The following ALG6 variants were observed in gnomAD, a reference collection of about 807,000 sequenced individuals.
The protein encoded by ALG6 is ALG6 alpha-1,3-glucosyltransferase, also known as dolichyl pyrophosphate Man9GlcNAc2 alpha-1,3-glucosyltransferase.
ALG6 carries 46 observed loss-of-function variants against 66.6 expected under a neutral mutation model. That is an observed-to-expected ratio of 0.69 (90% CI 0.55 to 0.88). The LOEUF (loss-of-function observed/expected upper bound fraction) is 0.88. Ranked by LOEUF, ALG6 falls within the 40% of genes least tolerant of loss-of-function variation. ALG6 has a pLI of 0.00. For synonymous variants in ALG6, 185 were observed against 203.7 expected, an observed-to-expected ratio of 0.91 and a Z score of 0.78; for missense variants, 505 against 586.8, an observed-to-expected ratio of 0.86 and a Z score of 1.44.
At chr1:63,387,213 A>G (rs1372161934) in intron 2 of ALG6, among the ~76,000 whole-genome samples, 2 of 151,980 alleles carry the variant, frequency 1.3e-5, no homozygotes, top group Non-Finnish European at 2.9e-5. Context: ...CGTATGGTCT[A>G]TCTGTGTGCC....
intron 14 of ALG6, among the ~76,000 whole-genome samples, chr1:63,430,451 A>G (rs1398227948): frequency 1.3e-5 from 2 of 152,218 alleles, no homozygotes; most frequent in African/African-American, 4.8e-5. Flanking sequence ...TGGTAATTCT[A>G]TGTTTAACAT....
chr1:63,403,747 G>T (rs938967063), intron 4 of ALG6, among the ~76,000 whole-genome samples: 1 of 152,134 alleles, frequency 6.6e-6, no homozygotes, highest in African/African-American at 2.4e-5. Context: ...GCATGTCACT[G>T]TACTGAATAC....
At chr1:63,423,820 T>G (rs901103700) in intron 12 of ALG6, among the ~76,000 whole-genome samples, 1 of 152,232 alleles carries the variant, frequency 6.6e-6, no homozygotes, top group Non-Finnish European at 1.5e-5. Flanking sequence ...AGTTTTTGTT[T>G]GAGTCTATAC....
At position 63,437,181 on chromosome 1, in the gene ALG6, T is replaced by A; in HGVS notation, c.*161T>A. ...AAAAGTCATTGTTGTCTACACAAAA[T>A]AAATGTATATGGAGACCAAAGACCA... On this transcript the variant is annotated 3_prime_UTR_variant, in exon 15 of 15. Coordinates refer to ENST00000263440, the MANE Select transcript of ALG6 (RefSeq NM_013339.4). The A allele has an allele frequency of 1.5e-6, 1 of 664,790 alleles. No homozygotes were observed. Among genetic ancestry groups the A allele is most frequent in the Non-Finnish European group, 2.5e-6 (1 of 396,606 alleles). The allele number at this position is 664,790 out of a possible 1,614,324, so 41.2% of individuals were successfully genotyped here.
chr1:63,385,170 A>G (rs1375277603), intron 2 of ALG6, among the ~76,000 whole-genome samples: 3 of 118,110 alleles, frequency 2.5e-5, no homozygotes, highest in Non-Finnish European at 5.5e-5. Context: ...TTTTATTAAG[A>G]TCTTTTACTT....
intron 3 of ALG6, among the ~76,000 whole-genome samples, chr1:63,398,647 T>C (rs1260392324): frequency 6.6e-6 from 1 of 151,986 alleles, no homozygotes; most frequent in Non-Finnish European, 1.5e-5. Context: ...TAATTTTTTT[T>C]TGTATTTTTA....
intron 11 of ALG6, among the ~76,000 whole-genome samples, chr1:63,416,322 G>A (rs1390710638): frequency 6.6e-6 from 1 of 151,746 alleles, no homozygotes; most frequent in African/African-American, 2.4e-5. Flanking sequence ...ATTATCTCGG[G>A]GGGAGATTTT....
chr1:63,372,579 GAC>G (rs1302873830), intron 2 of ALG6, among the ~76,000 whole-genome samples: 1 of 151,330 alleles, frequency 6.6e-6, no homozygotes, highest in Non-Finnish European at 1.5e-5. Context: ...GATATACACA[GAC>G]ACACATATAT....
intron 8 of ALG6, 83 bp downstream of exon 8, chr1:63,411,414 T>G: frequency 7.7e-7 from 1 of 1,292,250 alleles, no homozygotes; most frequent in Non-Finnish European, 1.1e-6. Context: ...AGATGATCTT[T>G]CACTTTGCCT....
At chr1:63,434,094 A>T (rs1182221692) in intron 14 of ALG6, among the ~76,000 whole-genome samples, 3 of 152,220 alleles carry the variant, frequency 2.0e-5, no homozygotes, top group African/African-American at 7.2e-5. Context: ...GAGAGGTAAC[A>T]GTGTAGTTTC....
intron 4 of ALG6, among the ~76,000 whole-genome samples, chr1:63,404,237 AGTTTTGTTG>A: frequency 6.6e-6 from 1 of 152,298 alleles, no homozygotes; most frequent in Admixed American, 6.5e-5. Context: ...TACCTTACAT[AGTTTTGTTG>A]GAAGGTAAGC....
Position 63,387,113 on chromosome 1 carries a change from T to C in ALG6, c.83-9400T>C, listed in dbSNP as rs557352093. ...ACTGTTTCCAAAATTCCTCTTGTTATTGATTTCTAGTTTTATTCCATTGTG... is the reference window on the plus strand; with the variant it reads ...ACTGTTTCCAAAATTCCTCTTGTTACTGATTTCTAGTTTTATTCCATTGTG... On this transcript the variant is annotated intron_variant, in intron 2 of 14. Transcript: ENST00000263440. 7.2e-4 allele frequency among the ~76,000 whole-genome samples: 109 copies of C among 152,374 alleles called. 1 individual carries two copies. The South Asian group carries it at 0.02, about 29-fold the overall frequency.
chr1:63,393,008 C>T (rs1022104315), intron 2 of ALG6, among the ~76,000 whole-genome samples: 5 of 152,210 alleles, frequency 3.3e-5, no homozygotes, highest in African/African-American at 1.2e-4. Context: ...ACATTGACCA[C>T]AAGTCTAGAG....
At chr1:63,380,251 G>A (rs1648259459) in intron 2 of ALG6, among the ~76,000 whole-genome samples, 1 of 152,144 alleles carries the variant, frequency 6.6e-6, no homozygotes, top group South Asian at 2.1e-4. Flanking sequence ...GGATCTATAG[G>A]AGACCATGTG....
At chr1:63,402,900 T>C (rs570359757) in intron 4 of ALG6, among the ~76,000 whole-genome samples, 17 of 151,002 alleles carry the variant, frequency 1.1e-4, no homozygotes, top group Admixed American at 8.6e-4. Context: ...ATTTAGACCA[T>C]CCTGGCTAAC....
intron 1 of ALG6, among the ~76,000 whole-genome samples, chr1:63,369,386 T>C (rs1647833738): frequency 6.6e-6 from 1 of 152,208 alleles, no homozygotes; most frequent in Non-Finnish European, 1.5e-5. Context: ...CCCAGCACTT[T>C]GGGAGACCAA....
chr1:63,411,061 A>G (rs1570069502), intron 7 of ALG6, 85 bp from the exon 8 acceptor site: 3 of 1,365,096 alleles, frequency 2.2e-6, no homozygotes, highest in East Asian at 4.6e-5. Flanking sequence ...TGCATTTCCT[A>G]GAGCATATCT....
chr1:63,411,190 G>T lies in ALG6; in HGVS notation c.539G>T (p.Gly180Val). The T allele has an allele frequency of 6.2e-7, 1 of 1,613,820 alleles. No homozygotes were observed. Among genetic ancestry groups the T allele is most frequent in the Non-Finnish European group, 8.5e-7 (1 of 1,179,872 alleles). ...GGCTTTGCTTTGTGGGGTGTTCTTG[G>T]AATATCTTGTGACTGCGACCTCCTA... Reference protein sequence around the residue: ...SLGFALWGVLGISCDCDLLGS... With the variant: ...SLGFALWGVLVISCDCDLLGS... The change falls in exon 8 of 15, where the codon GGA (glycine) becomes GTA (valine). Residue 180 changes from glycine to valine, a missense_variant. By Grantham distance (109) the Gly-to-Val change is moderately radical. Coordinates refer to ENST00000263440, the MANE Select transcript of ALG6 (RefSeq NM_013339.4).
At chr1:63,414,205 G>GTAT in intron 10 of ALG6, 59 bp downstream of exon 10, 1 of 1,247,914 alleles carries the variant, frequency 8.0e-7, no homozygotes, top group Non-Finnish European at 1.2e-6. Context: ...AAGCATTATG[G>GTAT]TATTATTTCA....
Sources: allele counts gnomAD v4.1 joint callset (sites outside exome capture counted in the v4.1 genomes callset), GRCh38; gene constraint gnomAD v4.1.1; transcripts MANE v1.5; gene names NCBI Gene and HGNC (gene_info 2026-07-23, HGNC 2026-07-21).